The following NDUFC2 variants were observed in gnomAD, a reference collection of about 807,000 sequenced individuals.
The protein encoded by NDUFC2 is NADH dehydrogenase [ubiquinone] 1 subunit C2.
NDUFC2 carries 2 observed loss-of-function variants against 10.1 expected under a neutral mutation model. The ratio of observed to expected loss-of-function variants is 0.20; its 90% CI spans 0.08 to 0.62. The LOEUF (loss-of-function observed/expected upper bound fraction) is 0.62. Among genes scored for constraint, NDUFC2 ranks in the 20% least tolerant of loss-of-function variants. NDUFC2 has a pLI of 0.87. For missense variants in NDUFC2, 156 were observed against 159.6 expected (o/e 0.98, Z 0.12); for synonymous variants, 61 against 63.6 (o/e 0.96, Z 0.20).
rs374273003 is a variant in NDUFC2, at chr11:78,070,018, T to A, written c.329A>T (p.Glu110Val). The change falls in exon 3 of 3, where the codon GAA becomes GTA. Residue 110 changes from glutamate to valine, a missense_variant. By Grantham distance (121) the Glu-to-Val change is moderately radical (BLOSUM62 -2). Coordinates refer to ENST00000281031, the MANE Select transcript of NDUFC2 (RefSeq NM_004549.6). ...FPEEDKKTYG[E>V]IFEKFHPIR ...TATTGGATGGAATTTTTCAAAAATT[T>A]CACCATATGTTTTCTTATCTATAAA... 1 of 1,596,766 alleles carries A rather than the reference T, an allele frequency of 6.3e-7. No individual in the cohort carries two copies. Among genetic ancestry groups the A allele is most frequent in the Non-Finnish European group, 8.6e-7 (1 of 1,167,412 alleles).
At chr11:78,079,520 C>G (rs1217060415) in intron 1 of NDUFC2, 59 bp downstream of exon 1, 2 of 1,523,724 alleles carry the variant, frequency 1.3e-6, no homozygotes, top group East Asian at 5.0e-5. Flanking sequence ...ACGGCCGGGC[C>G]AGTCTGCAGC....
intron 2 of NDUFC2, chr11:78,072,765 A>G (rs1859062964): frequency 1.7e-6 from 1 of 592,866 alleles, no homozygotes; most frequent in African/African-American, 1.9e-5. Context: ...AGCAGGACAC[A>G]GAGGAGCAGG....
At position 78,071,159 on chromosome 11, in the gene NDUFC2, G is replaced by C. The variant is rs117949328; in HGVS notation, c.311-1123C>G. On this transcript the variant is annotated intron_variant, in intron 2 of 2. Coordinates refer to ENST00000281031, the MANE Select transcript of NDUFC2 (RefSeq NM_004549.6). ...GACTGAAGGCTGTGGGAATATTAAA[G>C]AGTAATAAAATTTTAGAGCTAAATA... is the stretch of plus-strand genomic sequence containing the variant. 3.5e-3 allele frequency among the ~76,000 whole-genome samples: 537 copies of C among 152,034 alleles called. 1 individual carries two copies. Among genetic ancestry groups the C allele is most frequent in the Non-Finnish European group, 6.1e-3 (416 of 68,008 alleles).
At chr11:78,073,970 C>T (rs917998547) in intron 1 of NDUFC2, among the ~76,000 whole-genome samples, 1 of 151,812 alleles carries the variant, frequency 6.6e-6, no homozygotes, top group Non-Finnish European at 1.5e-5. Flanking sequence ...CTCCTAGGCT[C>T]AAGCAATCCT....
intron 1 of NDUFC2, among the ~76,000 whole-genome samples, chr11:78,078,151 G>A (rs1285438431): frequency 6.6e-6 from 1 of 152,172 alleles, no homozygotes; most frequent in African/African-American, 2.4e-5. Context: ...CTAATTGCCT[G>A]AACCATTGCC....
chr11:78,076,999 C>G lies in NDUFC2; in HGVS notation c.166+2580G>C, dbSNP rs774814662. 1.4e-4 allele frequency among the ~76,000 whole-genome samples: 21 copies of G among 152,234 alleles called. 1 individual carries two copies. Among genetic ancestry groups the G allele is most frequent in the South Asian group, 8.3e-4 (4 of 4,822 alleles). ...CTCCATAGGGCACATAACAGAGAAACAGTTAAGTAAGGCCAGGCACAGTGG... is the reference window on the plus strand; with the variant it reads ...CTCCATAGGGCACATAACAGAGAAAGAGTTAAGTAAGGCCAGGCACAGTGG... On this transcript the variant is annotated intron_variant, in intron 1 of 2. Coordinates refer to ENST00000281031, the MANE Select transcript of NDUFC2 (RefSeq NM_004549.6).
chr11:78,073,250 G>C, intron 1 of NDUFC2, 109 bp from the exon 2 acceptor site: 1 of 1,538,632 alleles, frequency 6.5e-7, no homozygotes, highest in Non-Finnish European at 8.8e-7. Flanking sequence ...CCAGCACTTT[G>C]GGAGGCCAAG....
intron 1 of NDUFC2, among the ~76,000 whole-genome samples, chr11:78,077,522 T>G (rs1859301100): frequency 6.6e-6 from 1 of 152,180 alleles, no homozygotes; most frequent in Non-Finnish European, 1.5e-5. Context: ...TTGCCCAAAG[T>G]GACACAGCTG....
chr11:78,073,379 C>G (rs895938072), intron 1 of NDUFC2, among the ~76,000 whole-genome samples: 2 of 152,004 alleles, frequency 1.3e-5, no homozygotes, highest in African/African-American at 4.8e-5. Flanking sequence ...GTAGTCTCAG[C>G]TACTTGGGAG....
chr11:78,076,110 T>G (rs1034060703), intron 1 of NDUFC2, among the ~76,000 whole-genome samples: 1 of 151,822 alleles, frequency 6.6e-6, no homozygotes, highest in African/African-American at 2.4e-5. Context: ...TTTATATTCC[T>G]TGTAATCTAC....
At chr11:78,079,540 C>G (rs1417504004) in intron 1 of NDUFC2, 39 bp downstream of exon 1, 2 of 1,544,038 alleles carry the variant, frequency 1.3e-6, no homozygotes, top group East Asian at 4.9e-5. Context: ...CCCTACGACC[C>G]CTTCTCCTCC....
intron 1 of NDUFC2, 67 bp downstream of exon 1, chr11:78,079,512 G>C (rs934170071): frequency 5.4e-5 from 82 of 1,515,356 alleles, no homozygotes; most frequent in Non-Finnish European, 6.4e-5. Flanking sequence ...GGGGGCCTAC[G>C]GCCGGGCCAG....
At chr11:78,077,234 G>A (rs934511054) in intron 1 of NDUFC2, among the ~76,000 whole-genome samples, 4 of 151,898 alleles carry the variant, frequency 2.6e-5, no homozygotes, top group Non-Finnish European at 4.4e-5. Flanking sequence ...CGAGGCTGCA[G>A]TGAGCCATGA....
At chr11:78,073,428 G>A (rs1013407869) in intron 1 of NDUFC2, among the ~76,000 whole-genome samples, 1 of 152,080 alleles carries the variant, frequency 6.6e-6, no homozygotes, top group African/African-American at 2.4e-5. Context: ...GGAGGCAGAG[G>A]TTGCAGTAAG....
In NDUFC2 at chr11:78,069,192, G is replaced by A. The variant is rs375805327; in HGVS notation, c.*795C>T. On this transcript the variant is annotated 3_prime_UTR_variant, in exon 3 of 3. Transcript: ENST00000281031. ...GGCATGAGCCACTGCATCGGGCCAGGACAAGCATTTGATAAGCCATAAAAA... is the reference window on the plus strand; with the variant it reads ...GGCATGAGCCACTGCATCGGGCCAGAACAAGCATTTGATAAGCCATAAAAA... 9 of 152,390 alleles carry A rather than the reference G, an allele frequency of 5.9e-5. No homozygotes were observed. In the South Asian group the frequency reaches 1.7e-3, roughly 28 times the overall value. The allele number at this position is 152,390 out of a possible 1,614,324, so 9.4% of individuals were successfully genotyped here.
intron 1 of NDUFC2, among the ~76,000 whole-genome samples, chr11:78,076,770 G>C (rs1165884137): frequency 6.6e-6 from 1 of 152,092 alleles, no homozygotes; most frequent in African/African-American, 2.4e-5. Context: ...GGCACAAACG[G>C]CTAAACTAAC....
intron 1 of NDUFC2, among the ~76,000 whole-genome samples, chr11:78,076,211 G>A (rs1353489908): frequency 2.6e-5 from 4 of 151,648 alleles, no homozygotes; most frequent in Admixed American, 2.6e-4. Flanking sequence ...GCACAATCTC[G>A]GCTCACTGAA....
intron 1 of NDUFC2, among the ~76,000 whole-genome samples, chr11:78,074,162 G>A (rs1182674045): frequency 1.3e-5 from 2 of 151,628 alleles, no homozygotes; most frequent in African/African-American, 2.4e-5. Flanking sequence ...TTACAGGAAT[G>A]AGCCACCACA....
chr11:78,074,884 G>A (rs1169050203), intron 1 of NDUFC2, among the ~76,000 whole-genome samples: 2 of 152,074 alleles, frequency 1.3e-5, no homozygotes, highest in Non-Finnish European at 1.5e-5. Flanking sequence ...CTCTCTCTAC[G>A]CTGACCCATG....
Sources: allele counts gnomAD v4.1 joint callset (sites outside exome capture counted in the v4.1 genomes callset), GRCh38; gene constraint gnomAD v4.1.1; transcripts MANE v1.5; gene names NCBI Gene and HGNC (gene_info 2026-07-23, HGNC 2026-07-21).